Variants in KIF26B observed in about 807,000 individuals in gnomAD.
KIF26B encodes kinesin-like protein KIF26B.
KIF26B carries 63 observed loss-of-function variants against 151.2 expected under a neutral mutation model. The ratio of observed to expected loss-of-function variants is 0.42; its 90% CI spans 0.34 to 0.51. The LOEUF is 0.51. KIF26B is among the 20% of genes least tolerant of loss of function. The pLI is 0.07. For missense variants in KIF26B, 2,813 were observed against 2,913.6 expected (o/e 0.97, Z 0.79); for synonymous variants, 1,357 against 1,262.1 (o/e 1.08, Z -1.59).
chr1:245,579,844 A>C (rs2043157519), intron 5 of KIF26B, among the ~76,000 whole-genome samples: 13 of 148,682 alleles, frequency 8.7e-5, no homozygotes, highest in Admixed American at 8.7e-4. Flanking sequence ...GTGAAACTTC[A>C]TCTCAAAGAA....
intron 10 of KIF26B, among the ~76,000 whole-genome samples, chr1:245,675,317 T>G (rs190780565): frequency 4.9e-4 from 75 of 152,256 alleles, no homozygotes; most frequent in African/African-American, 1.6e-3. Context: ...TAACTCAGTC[T>G]CCAGGTGGAC....
intron 4 of KIF26B, among the ~76,000 whole-genome samples, chr1:245,485,812 G>A (rs971715907): frequency 9.9e-5 from 15 of 152,232 alleles, no homozygotes; most frequent in Admixed American, 4.6e-4. Context: ...CTTTCAGAGG[G>A]CACACGGTGC....
chr1:245,419,884 C>T (rs1658434624), intron 4 of KIF26B, 139 bp downstream of exon 4: 1 of 836,246 alleles, frequency 1.2e-6, no homozygotes, highest in Admixed American at 2.6e-5. Flanking sequence ...AGTTTCTCAG[C>T]CATGGCACTG....
intron 5 of KIF26B, among the ~76,000 whole-genome samples, chr1:245,592,079 C>T (rs139952514): frequency 3.8e-4 from 58 of 152,350 alleles, no homozygotes; most frequent in African/African-American, 1.3e-3. Context: ...ATCTCATTAC[C>T]GGGCTCCATT....
chr1:245,180,976 A>G (rs2103527385), intron 2 of KIF26B, among the ~76,000 whole-genome samples: 1 of 152,202 alleles, frequency 6.6e-6, no homozygotes, highest in Non-Finnish European at 1.5e-5. Flanking sequence ...GGTGGGGGAC[A>G]TTGTGCACCC....
chr1:245,274,567 T>A (rs562555466), intron 2 of KIF26B, among the ~76,000 whole-genome samples: 2 of 152,312 alleles, frequency 1.3e-5, no homozygotes, highest in East Asian at 3.9e-4. Flanking sequence ...ATGCACCTTT[T>A]TTTATGGCTG....
At chr1:245,673,827 C>G (rs1379779382) in intron 10 of KIF26B, 1 of 152,220 alleles carries the variant, frequency 6.6e-6, no homozygotes, top group Non-Finnish European at 1.5e-5. Context: ...AGCCACCAGG[C>G]TGGGGCAGGA....
chr1:245,609,002 T>C (rs2043488400), intron 7 of KIF26B, among the ~76,000 whole-genome samples: 1 of 152,132 alleles, frequency 6.6e-6, no homozygotes, highest in Admixed American at 6.5e-5. Context: ...AATCCTCCCA[T>C]CTTGGCCCCC....
chr1:245,426,743 G>C (rs1658658452), intron 4 of KIF26B, among the ~76,000 whole-genome samples: 1 of 152,206 alleles, frequency 6.6e-6, no homozygotes, highest in African/African-American at 2.4e-5. Flanking sequence ...CTGCCTTCAG[G>C]ACCACGTGGC....
intron 3 of KIF26B, among the ~76,000 whole-genome samples, chr1:245,410,642 G>T (rs1209498171): frequency 1.3e-5 from 2 of 152,092 alleles, no homozygotes; most frequent in Non-Finnish European, 2.9e-5. Flanking sequence ...TAGAGACAGG[G>T]TTTCACCATG....
At chr1:245,539,245 A>AT (rs1005033857) in intron 4 of KIF26B, among the ~76,000 whole-genome samples, 13 of 152,074 alleles carry the variant, frequency 8.5e-5, no homozygotes, top group African/African-American at 2.9e-4. Context: ...TGCAGTGGCA[A>AT]TTTTTTAGCT....
At position 245,160,149 on chromosome 1, in the gene KIF26B, A is replaced by G. The variant is rs144155488; in HGVS notation, c.465+3466A>G. ...TGATACTCTGTATTCATCCTTTCCG[A>G]TAGCAACTTACCTGGTGAGTAGACG... On this transcript the variant is annotated intron_variant, in intron 2 of 14. Coordinates refer to ENST00000407071, the MANE Select transcript of KIF26B (RefSeq NM_018012.4). Among the ~76,000 whole-genome samples the G allele has an allele frequency of 1.1e-4, 17 of 152,338 alleles. No homozygotes were observed. The East Asian group carries it at 1.7e-3, about 16-fold the overall frequency.
chr1:245,528,559 T>C (rs1661293403), intron 4 of KIF26B, among the ~76,000 whole-genome samples: 1 of 151,992 alleles, frequency 6.6e-6, no homozygotes, highest in Non-Finnish European at 1.5e-5. Flanking sequence ...TAGGTGTGGG[T>C]GGAGATAAAT....
intron 9 of KIF26B, among the ~76,000 whole-genome samples, chr1:245,640,143 C>CTCTCTCTCTCTCTCTCTATATATATA: frequency 7.5e-4 from 24 of 31,914 alleles, no homozygotes; most frequent in Middle Eastern, 0.012. Flanking sequence ...CTCTCTCTCT[C>CTCTCTCTCTCTCTCTCTATATATATA]TATATATATA....
rs945648478 is a variant in KIF26B, at chr1:245,166,577, A to T, written c.465+9894A>T. ...GTAGCCCCTCCAGGGAGACTTGCAG[A>T]TGTGGCATTTGGCATTTCGGCTCCG... On this transcript the variant is annotated intron_variant, in intron 2 of 14. Coordinates refer to ENST00000407071, the MANE Select transcript of KIF26B (RefSeq NM_018012.4). The surrounding 1 kb of genome is among the most constrained non-coding windows in gnomAD (Gnocchi z 4.5). Among the ~76,000 whole-genome samples, 2 of 152,138 alleles carry T rather than the reference A, an allele frequency of 1.3e-5. No individual in the cohort carries two copies. The highest frequency in any genetic ancestry group is 2.9e-5 in the Non-Finnish European group (2 of 68,032).
At chr1:245,622,312 C>G (rs967215508) in intron 9 of KIF26B, among the ~76,000 whole-genome samples, 2 of 152,146 alleles carry the variant, frequency 1.3e-5, no homozygotes, top group Non-Finnish European at 2.9e-5. Context: ...AGCTGGAGAG[C>G]TGGAATTGCA....
intron 4 of KIF26B, among the ~76,000 whole-genome samples, chr1:245,530,599 C>T (rs1027179069): frequency 1.3e-5 from 2 of 152,206 alleles, no homozygotes; most frequent in African/African-American, 2.4e-5. Flanking sequence ...ACAGACTTCA[C>T]ATGTTTTTAT....
intron 2 of KIF26B, among the ~76,000 whole-genome samples, chr1:245,160,905 A>G (rs896398916): frequency 6.6e-6 from 1 of 152,202 alleles, no homozygotes; most frequent in South Asian, 2.1e-4. Context: ...ATATTTCTGT[A>G]TTTTGCCAGC....
chr1:245,456,865 AT>A (rs1392628380), intron 4 of KIF26B, among the ~76,000 whole-genome samples: 8 of 151,886 alleles, frequency 5.3e-5, no homozygotes, highest in Admixed American at 5.2e-4. Context: ...ATTTTTATTT[AT>A]TTGTTTACTT....
Sources: allele counts gnomAD v4.1 joint callset (sites outside exome capture counted in the v4.1 genomes callset), GRCh38; gene constraint gnomAD v4.1.1; non-coding constraint Gnocchi (gnomAD v3.1); transcripts MANE v1.5; gene names NCBI Gene and HGNC (gene_info 2026-07-23, HGNC 2026-07-21).